Variants in SFMBT2 observed in about 807,000 individuals in gnomAD.
SFMBT2 encodes Scm like with four mbt domains 2.
In SFMBT2, 38 loss-of-function variants were observed where a neutral mutation model predicts 110.1. The ratio of observed to expected loss-of-function variants is 0.35; its 90% CI spans 0.27 to 0.45. The LOEUF (loss-of-function observed/expected upper bound fraction) is 0.45. SFMBT2 is among the 20% of genes least tolerant of loss of function. SFMBT2 has a pLI of 1.00. For missense variants in SFMBT2, 1,011 were observed against 1,094.9 expected (o/e 0.92, Z 1.08); for synonymous variants, 425 against 425.4 (o/e 1.00, Z 0.01).
At chr10:7,282,161 C>T (rs1841963347) in intron 6 of SFMBT2, among the ~76,000 whole-genome samples, 1 of 152,166 alleles carries the variant, frequency 6.6e-6, no homozygotes, top group Admixed American at 6.5e-5. Context: ...CAACTCATTT[C>T]CAGAAAATGC....
At chr10:7,316,831 ATAGCCATAGTATG>A (rs1394660113) in intron 4 of SFMBT2, among the ~76,000 whole-genome samples, 11 of 152,318 alleles carry the variant, frequency 7.2e-5, no homozygotes, top group Non-Finnish European at 8.8e-5. Flanking sequence ...TTGATATTAC[ATAGCCATAGTATG>A]TAGGCTGGTG....
intron 9 of SFMBT2, among the ~76,000 whole-genome samples, chr10:7,229,329 C>T (rs1379943620): frequency 2.0e-5 from 3 of 152,030 alleles, no homozygotes; most frequent in African/African-American, 7.2e-5. Context: ...GCCTGTAATC[C>T]CAGCACTTTG....
chr10:7,202,358 A>G, intron 13 of SFMBT2, 122 bp downstream of exon 13: 3 of 1,224,256 alleles, frequency 2.5e-6, no homozygotes, highest in Non-Finnish European at 3.6e-6. Context: ...TTTTACTGCT[A>G]CCTCTACTAG....
At chr10:7,194,999 C>T (rs114024743) in intron 15 of SFMBT2, among the ~76,000 whole-genome samples, 98 of 152,356 alleles carry the variant, frequency 6.4e-4, no homozygotes, top group African/African-American at 2.3e-3. Flanking sequence ...GAACACGTCA[C>T]GTGAAACAGG....
chr10:7,397,225 T>C (rs1442253160), intron 1 of SFMBT2, among the ~76,000 whole-genome samples: 2 of 152,110 alleles, frequency 1.3e-5, no homozygotes, highest in African/African-American at 4.8e-5. Flanking sequence ...CTCACTACAG[T>C]GAAAGCCACC....
chr10:7,409,914 G>A (rs1157716955), intron 1 of SFMBT2, among the ~76,000 whole-genome samples: 2 of 151,742 alleles, frequency 1.3e-5, no homozygotes, highest in East Asian at 1.9e-4. Flanking sequence ...TCCGGCCACC[G>A]AGAATCAGCC....
chr10:7,312,061 A>T (rs1842872130), intron 4 of SFMBT2, among the ~76,000 whole-genome samples: 1 of 152,038 alleles, frequency 6.6e-6, no homozygotes, highest in Non-Finnish European at 1.5e-5. Context: ...GGAACATCAC[A>T]CACAGGGGCC....
intron 15 of SFMBT2, among the ~76,000 whole-genome samples, chr10:7,193,237 T>G (rs1466203687): frequency 6.6e-6 from 1 of 152,146 alleles, no homozygotes; most frequent in African/African-American, 2.4e-5. Flanking sequence ...GGAGAGCCCC[T>G]GCCTGCTCAG....
chr10:7,390,541 CT>C (rs960423207), intron 1 of SFMBT2, among the ~76,000 whole-genome samples: 1 of 152,022 alleles, frequency 6.6e-6, no homozygotes, highest in Non-Finnish European at 1.5e-5. Flanking sequence ...AGACTATTTG[CT>C]TTTTTTCATT....
At chr10:7,226,346 C>A (rs1246845726) in intron 10 of SFMBT2, among the ~76,000 whole-genome samples, 1 of 152,240 alleles carries the variant, frequency 6.6e-6, no homozygotes, top group African/African-American at 2.4e-5. Context: ...AGTCATCAAC[C>A]TACTGAATCC....
intron 7 of SFMBT2, among the ~76,000 whole-genome samples, chr10:7,249,802 G>A (rs1479003244): frequency 6.6e-6 from 1 of 152,190 alleles, no homozygotes; most frequent in East Asian, 1.9e-4. Flanking sequence ...AAGGTTAACA[G>A]AATGTAAACG....
At chr10:7,239,777 T>C (rs1478221509) in intron 9 of SFMBT2, among the ~76,000 whole-genome samples, 1 of 152,096 alleles carries the variant, frequency 6.6e-6, no homozygotes, top group Non-Finnish European at 1.5e-5. Context: ...CTCTCTAGAA[T>C]TACTAAGAAG....
intron 2 of SFMBT2, among the ~76,000 whole-genome samples, chr10:7,371,679 T>C (rs1845068423): frequency 6.6e-6 from 1 of 152,164 alleles, no homozygotes; most frequent in Non-Finnish European, 1.5e-5. Context: ...CTGTCCAAAA[T>C]GCACACGAGA....
chr10:7,330,446 A>T (rs1471985545), intron 4 of SFMBT2, among the ~76,000 whole-genome samples: 1 of 152,218 alleles, frequency 6.6e-6, no homozygotes, highest in Non-Finnish European at 1.5e-5. Context: ...ATGTGAATTG[A>T]GTAAACCATC....
At chr10:7,371,920 ATTTTTTTTT>A (rs762872004) in intron 2 of SFMBT2, among the ~76,000 whole-genome samples, 3 of 77,736 alleles carry the variant, frequency 3.9e-5, no homozygotes, top group Non-Finnish European at 4.5e-5. Context: ...TCCACCTGTA[ATTTTTTTTT>A]TTTTTTTTTT....
rs201323474 is a variant in SFMBT2 at position 7,172,544 on chromosome 10, T to C, written c.2102A>G (p.Gln701Arg). The C allele has an allele frequency of 1.2e-5, 19 of 1,614,112 alleles. No homozygotes were observed. The highest frequency in any genetic ancestry group is 1.4e-5 in the Non-Finnish European group (17 of 1,180,050). ...CACGGCAGAAGACCTCCGTTTCTTC[T>C]GCACGAAAATGGATTTCCGTCGCTT... ...RRKRRKSIFV[Q>R]KKRRSSAVDF... is the part of the protein sequence containing the mutation. Residue 701 changes from glutamine to arginine, a missense_variant, in exon 18 of 21, where the codon CAG (glutamine) becomes CGG (arginine). Around this residue, in one of 2 missense-constraint regions of SFMBT2, gnomAD observed 979 missense variants for 1,016.1 expected, o/e 0.96. Coordinates refer to ENST00000397167, the MANE Select transcript of SFMBT2 (RefSeq NM_001387889.1). This position sits in a 1 kb window ranked among gnomAD's most constrained non-coding sequence, Gnocchi z 4.6.
chr10:7,233,731 G>C (rs1156410323), intron 9 of SFMBT2, among the ~76,000 whole-genome samples: 9 of 152,294 alleles, frequency 5.9e-5, no homozygotes, highest in Non-Finnish European at 7.4e-5. Flanking sequence ...CCAATTGACA[G>C]CTGATCTTTC....
intron 4 of SFMBT2, among the ~76,000 whole-genome samples, chr10:7,354,031 G>A (rs1376594711): frequency 6.7e-6 from 1 of 150,352 alleles, no homozygotes; most frequent in Non-Finnish European, 1.5e-5. Flanking sequence ...AGGTTGCAGT[G>A]AGCCGAGATC....
At chr10:7,329,344 G>A (rs1005223638) in intron 4 of SFMBT2, among the ~76,000 whole-genome samples, 3 of 152,220 alleles carry the variant, frequency 2.0e-5, no homozygotes, top group African/African-American at 4.8e-5. Flanking sequence ...CTTCCTGCAC[G>A]GAGGTTCTCA....
Sources: gnomAD v4.1 joint callset for allele counts (sites outside exome capture counted in the v4.1 genomes callset) on GRCh38, gnomAD v4.1.1 for gene constraint, gnomAD v4.1.1 regional missense constraint, Gnocchi (gnomAD v3.1) non-coding constraint, MANE v1.5 for transcripts, NCBI Gene and HGNC (gene_info 2026-07-23, HGNC 2026-07-21) for gene names.